NOS1AP: variants seen among roughly 807,000 people sequenced by gnomAD.
The protein encoded by NOS1AP is carboxyl-terminal PDZ ligand of neuronal nitric oxide synthase protein.
Under a neutral mutation model 56.2 loss-of-function variants are expected in NOS1AP, and 21 were observed. The observed-to-expected ratio is 0.37, with a 90% CI of 0.26 to 0.54. The LOEUF is 0.54. Among genes scored for constraint, NOS1AP ranks in the 20% least tolerant of loss-of-function variants. NOS1AP has a pLI of 0.84. For synonymous variants in NOS1AP, 270 were observed against 274.6 expected (o/e 0.98, Z 0.17); for missense variants, 522 against 657.8 (o/e 0.79, Z 2.26).
intron 2 of NOS1AP, among the ~76,000 whole-genome samples, chr1:162,280,175 T>C (rs1654870962): frequency 6.6e-6 from 1 of 152,112 alleles, no homozygotes; most frequent in South Asian, 2.1e-4. Context: ...AAGAAATATT[T>C]CAGATGTAAA....
chr1:162,253,670 T>C (rs772252881), intron 2 of NOS1AP, among the ~76,000 whole-genome samples: 16 of 152,240 alleles, frequency 1.1e-4, no homozygotes, highest in Non-Finnish European at 1.9e-4. Flanking sequence ...GATGCTGAGA[T>C]CTAAGGAAAT....
chr1:162,182,506 G>A (rs1035538061), intron 2 of NOS1AP, among the ~76,000 whole-genome samples: 1 of 152,212 alleles, frequency 6.6e-6, no homozygotes, highest in African/African-American at 2.4e-5. Flanking sequence ...GAAATTTGCT[G>A]CAAGGATTGA....
intron 8 of NOS1AP, chr1:162,364,113 T>C (rs1168893556): frequency 1.0e-6 from 1 of 985,288 alleles, no homozygotes; most frequent in African/African-American, 1.7e-5. Context: ...CCTAAAAAAA[T>C]GTGAATCTCT....
intron 4 of NOS1AP, among the ~76,000 whole-genome samples, chr1:162,305,251 C>T (rs558106961): frequency 6.6e-6 from 1 of 152,172 alleles, no homozygotes; most frequent in African/African-American, 2.4e-5. Context: ...ACTTTTTTAT[C>T]ACTCCAAACA....
At chr1:162,281,035 CAG>C (rs1470263731) in intron 2 of NOS1AP, among the ~76,000 whole-genome samples, 1 of 152,208 alleles carries the variant, frequency 6.6e-6, no homozygotes, top group African/African-American at 2.4e-5. Context: ...GCCCACAGAA[CAG>C]AAATTCATCT....
chr1:162,339,054 T>C (rs953050927), intron 5 of NOS1AP, among the ~76,000 whole-genome samples: 1 of 152,168 alleles, frequency 6.6e-6, no homozygotes, highest in African/African-American at 2.4e-5. Flanking sequence ...GATGGGTGGT[T>C]TGAAGAAACA....
Position 162,309,492 on chromosome 1 carries a change from A to G in NOS1AP, c.344+8786A>G, listed in dbSNP as rs183417584. ...AAGTGCTTATCAAGTGCTGAAGCTT[A>G]GAAAGTACTCCTTAAATACCTTTTT... On this transcript the variant is annotated intron_variant, in intron 4 of 9. Transcript: ENST00000361897. Among the ~76,000 whole-genome samples, 4 of 152,378 alleles carry G rather than the reference A, an allele frequency of 2.6e-5. No individual in the cohort carries two copies. The East Asian group carries it at 7.7e-4, about 29-fold the overall frequency.
At chr1:162,094,837 G>T (rs1245993594) in intron 1 of NOS1AP, among the ~76,000 whole-genome samples, 3 of 152,154 alleles carry the variant, frequency 2.0e-5, no homozygotes, top group African/African-American at 7.2e-5. Context: ...GTGGAAACCA[G>T]GTATCGCTGT....
At chr1:162,218,477 A>G (rs1652657666) in intron 2 of NOS1AP, among the ~76,000 whole-genome samples, 1 of 152,206 alleles carries the variant, frequency 6.6e-6, no homozygotes, top group African/African-American at 2.4e-5. Context: ...TAATGATAAT[A>G]GGCATGACTG....
rs1455765889 is a variant in NOS1AP, at chr1:162,264,412, TCC to T, written c.178-22930_178-22929del. Among the ~76,000 whole-genome samples, 21 of 2,314 alleles carry T rather than the reference TCC, an allele frequency of 9.1e-3. 3 individuals are homozygous for T. Among genetic ancestry groups the T allele is most frequent in the Non-Finnish European group, 0.05 (16 of 322 alleles). The allele number at this position is 2,314 out of a possible 152,430, so 1.5% of individuals were successfully genotyped here. ...CCCTCTTTGCCCTCTCCTCTTCTCT[TCC>T]CTTCTCTTCCCTTCTCTTCTCTTCT... On this transcript the variant is annotated intron_variant, in intron 2 of 9. Transcript: ENST00000361897.
intron 4 of NOS1AP, among the ~76,000 whole-genome samples, chr1:162,313,812 A>G (rs2101770178): frequency 6.6e-6 from 1 of 152,334 alleles, no homozygotes; most frequent in East Asian, 1.9e-4. Context: ...CAGTGATCTC[A>G]GGTTGAAGCT....
intron 1 of NOS1AP, among the ~76,000 whole-genome samples, chr1:162,105,231 C>A (rs1408883149): frequency 6.6e-6 from 1 of 152,222 alleles, no homozygotes; most frequent in Non-Finnish European, 1.5e-5. Flanking sequence ...AGAGGTATCA[C>A]CAGTGAAGGC....
chr1:162,239,848 A>G (rs1653428045), intron 2 of NOS1AP, among the ~76,000 whole-genome samples: 1 of 152,228 alleles, frequency 6.6e-6, no homozygotes. Flanking sequence ...AGAATAATTT[A>G]CTTTCAGATT....
At position 162,355,144 on chromosome 1, in the gene NOS1AP, G is replaced by T. The variant is rs145938445; in HGVS notation, c.596-43G>T. On this transcript the variant is annotated intron_variant, in intron 6 of 9. Coordinates refer to ENST00000361897, the MANE Select transcript of NOS1AP (RefSeq NM_014697.3). Reference sequence around the variant, plus strand: ...ATTAGGAAAGGAGGACTTTGTTCTCGGTGTTTTCATTCTCTTCCCTCCCTC... The same window carrying T: ...ATTAGGAAAGGAGGACTTTGTTCTCTGTGTTTTCATTCTCTTCCCTCCCTC... The T allele has an allele frequency of 1.5e-4, 242 of 1,609,472 alleles. 3 individuals are homozygous for T. In the South Asian group the frequency reaches 2.1e-3, roughly 14 times the overall value.
chr1:162,358,193 C>T (rs1187895299), intron 8 of NOS1AP, among the ~76,000 whole-genome samples: 1 of 152,188 alleles, frequency 6.6e-6, no homozygotes, highest in African/African-American at 2.4e-5. Flanking sequence ...CTTCTGCTTA[C>T]TCTTGTCCTG....
rs537191657 is a variant in NOS1AP, at chr1:162,175,196, C to T, written c.177+20720C>T. On this transcript the variant is annotated intron_variant, in intron 2 of 9. Transcript: ENST00000361897. Reference sequence around the variant, plus strand: ...TATGCATGGTCTGCACTTACATGCACTTACAGAGTGGAAAGTTTTGCTCTA... The same window carrying T: ...TATGCATGGTCTGCACTTACATGCATTTACAGAGTGGAAAGTTTTGCTCTA... Among the ~76,000 whole-genome samples the T allele has an allele frequency of 5.9e-5, 9 of 151,312 alleles. No individual in the cohort carries two copies. In the East Asian group the frequency reaches 1.5e-3, roughly 26 times the overall value.
intron 2 of NOS1AP, among the ~76,000 whole-genome samples, chr1:162,163,039 A>G (rs972311376): frequency 2.6e-5 from 4 of 152,184 alleles, no homozygotes; most frequent in African/African-American, 9.7e-5. Context: ...TGGACATTTT[A>G]AATGGCATCA....
At chr1:162,284,660 T>G (rs145586683) in intron 2 of NOS1AP, among the ~76,000 whole-genome samples, 31 of 152,362 alleles carry the variant, frequency 2.0e-4, no homozygotes, top group African/African-American at 6.0e-4. Flanking sequence ...GAGACCTGTT[T>G]CCAGTTCTAA....
At chr1:162,215,208 C>G (rs926176341) in intron 2 of NOS1AP, among the ~76,000 whole-genome samples, 3 of 152,208 alleles carry the variant, frequency 2.0e-5, no homozygotes, top group Non-Finnish European at 4.4e-5. Flanking sequence ...CTGAGCACCC[C>G]TAGCCTCGGG....
Sources: gnomAD v4.1 joint callset for allele counts (sites outside exome capture counted in the v4.1 genomes callset) on GRCh38, gnomAD v4.1.1 for gene constraint, MANE v1.5 for transcripts, NCBI Gene and HGNC (gene_info 2026-07-23, HGNC 2026-07-21) for gene names.